PPFIA2: variants seen among roughly 807,000 people sequenced by gnomAD.
The protein encoded by PPFIA2 is liprin-alpha-2.
A neutral mutation model predicts 175.5 loss-of-function variants in PPFIA2; 46 were observed. The observed-to-expected ratio is 0.26, with a 90% CI of 0.21 to 0.34. The LOEUF is 0.34. PPFIA2 is among the 10% of genes least tolerant of loss of function. PPFIA2 has a pLI of 1.00. For missense variants in PPFIA2, 1,179 were observed against 1,506.1 expected (o/e 0.78, Z 3.60); for synonymous variants, 568 against 511.4 (o/e 1.11, Z -1.49).
intron 4 of PPFIA2, among the ~76,000 whole-genome samples, chr12:81,592,520 T>A (rs1482741113): frequency 6.6e-6 from 1 of 152,094 alleles, no homozygotes; most frequent in Non-Finnish European, 1.5e-5. Context: ...GGGGTGTGGT[T>A]GAATTATGGT....
intron 4 of PPFIA2, among the ~76,000 whole-genome samples, chr12:81,557,216 C>T (rs1040545275): frequency 2.0e-5 from 3 of 147,260 alleles, no homozygotes; most frequent in Non-Finnish European, 3.0e-5. Context: ...CACACACACA[C>T]GTATACATAT....
chr12:81,315,113 T>TCTCTAAGCTAGAATGTAAA (rs2051996772), intron 22 of PPFIA2, among the ~76,000 whole-genome samples: 1 of 151,762 alleles, frequency 6.6e-6, no homozygotes, highest in Non-Finnish European at 1.5e-5. Context: ...TCTCTCTGTC[T>TCTCTAAGCTAGAATGTAAA]CTCTAAGCTA....
intron 4 of PPFIA2, among the ~76,000 whole-genome samples, chr12:81,531,299 T>C (rs1594575818): frequency 6.6e-6 from 1 of 151,880 alleles, no homozygotes; most frequent in South Asian, 2.1e-4. Context: ...TGAATGATAA[T>C]ATCCCTGCCC....
At chr12:81,421,251 A>T (rs984763258) in intron 7 of PPFIA2, among the ~76,000 whole-genome samples, 2 of 152,114 alleles carry the variant, frequency 1.3e-5, no homozygotes, top group Admixed American at 1.3e-4. Flanking sequence ...GTTAAGGTAA[A>T]CATACAGAGA....
At chr12:81,512,297 C>T (rs895821312) in intron 4 of PPFIA2, 10 of 1,287,752 alleles carry the variant, frequency 7.8e-6, no homozygotes, top group African/African-American at 6.1e-5. Context: ...ATGTCCTGGT[C>T]GGCCTCTGGC....
intron 4 of PPFIA2, among the ~76,000 whole-genome samples, chr12:81,559,649 G>T (rs983274906): frequency 6.6e-6 from 1 of 152,064 alleles, no homozygotes; most frequent in Non-Finnish European, 1.5e-5. Flanking sequence ...TTGCTATTGT[G>T]TCAAGGATTT....
At chr12:81,301,221 A>G (rs571059439) in intron 22 of PPFIA2, among the ~76,000 whole-genome samples, 1 of 152,128 alleles carries the variant, frequency 6.6e-6, no homozygotes, top group South Asian at 2.1e-4. Flanking sequence ...GTGGAAGAAA[A>G]TTTAGGGTAG....
intron 3 of PPFIA2, among the ~76,000 whole-genome samples, chr12:81,751,534 T>TACACAC (rs10591884): frequency 3.9e-4 from 56 of 144,290 alleles, no homozygotes; most frequent in African/African-American, 1.2e-3. Context: ...TATAATATGC[T>TACACAC]ACACACACAC....
chr12:81,406,895 G>GA (rs1381134568), intron 7 of PPFIA2, among the ~76,000 whole-genome samples: 3 of 152,002 alleles, frequency 2.0e-5, no homozygotes, highest in Non-Finnish European at 4.4e-5. Flanking sequence ...ATCATTAACT[G>GA]AAAAAAACAT....
intron 4 of PPFIA2, among the ~76,000 whole-genome samples, chr12:81,664,661 G>A (rs1222512065): frequency 5.3e-5 from 8 of 152,030 alleles, no homozygotes; most frequent in Non-Finnish European, 1.2e-4. Context: ...TAGAAATACT[G>A]TTTGACCCAG....
chr12:81,364,854 C>A (rs1013712514), intron 14 of PPFIA2, among the ~76,000 whole-genome samples: 1 of 151,682 alleles, frequency 6.6e-6, no homozygotes, highest in Non-Finnish European at 1.5e-5. Context: ...GTTTTTTAGC[C>A]TGAGTAACTG....
intron 22 of PPFIA2, chr12:81,312,050 A>G (rs1261203146): frequency 2.3e-5 from 23 of 981,638 alleles, no homozygotes; most frequent in Non-Finnish European, 3.2e-5. Context: ...ATTTCAGGTC[A>G]GAGGCAGTGC....
Position 81,374,615 on chromosome 12 carries a change from AGTT to A in PPFIA2, c.1266+16_1266+18del. The A allele has an allele frequency of 1.3e-6, 2 of 1,587,312 alleles. No individual in the cohort carries two copies. The highest frequency in any genetic ancestry group is 1.1e-5 in the South Asian group (1 of 87,000). On this transcript the variant is annotated intron_variant, in intron 11 of 32. Transcript: ENST00000549396. ...TTCTACAAATATATCTAGGTTGACC[AGTT>A]GTTCTAGTGCAGTACCTTGGTTAGG...
chr12:81,277,562 G>A, intron 27 of PPFIA2, 148 bp from the exon 28 acceptor site: 1 of 835,132 alleles, frequency 1.2e-6, no homozygotes, highest in Non-Finnish European at 1.6e-6. Flanking sequence ...CTTCAGTATT[G>A]GAGGGAAATA....
chr12:81,319,794 C>T (rs747030994), intron 22 of PPFIA2, among the ~76,000 whole-genome samples: 13 of 151,868 alleles, frequency 8.6e-5, no homozygotes, highest in Non-Finnish European at 1.9e-4. Context: ...TATCTTGGCT[C>T]TATTGTTTCT....
intron 4 of PPFIA2, among the ~76,000 whole-genome samples, chr12:81,604,542 CT>C (rs1177362989): frequency 1.3e-5 from 2 of 151,508 alleles, no homozygotes; most frequent in South Asian, 2.1e-4. Context: ...TGTGAAGAAA[CT>C]TCATTCTTAG....
chr12:81,365,967 T>TC (rs2033132515), intron 14 of PPFIA2, among the ~76,000 whole-genome samples: 1 of 59,956 alleles, frequency 1.7e-5, no homozygotes, highest in Non-Finnish European at 3.1e-5. Flanking sequence ...ATACTATCCC[T>TC]CCCTCCCTCC....
chr12:81,427,011 A>C (rs2047246307), intron 7 of PPFIA2, among the ~76,000 whole-genome samples: 1 of 152,128 alleles, frequency 6.6e-6, no homozygotes, highest in African/African-American at 2.4e-5. Context: ...AGTATTTGGC[A>C]TTTTTAAAGG....
At chr12:81,338,418 T>A (rs2057467405) in intron 21 of PPFIA2, among the ~76,000 whole-genome samples, 1 of 152,112 alleles carries the variant, frequency 6.6e-6, no homozygotes. Flanking sequence ...TATGTATATA[T>A]CTGCTTATTT....
Sources: gnomAD v4.1 joint callset for allele counts (sites outside exome capture counted in the v4.1 genomes callset) on GRCh38, gnomAD v4.1.1 for gene constraint, MANE v1.5 for transcripts, NCBI Gene and HGNC (gene_info 2026-07-23, HGNC 2026-07-21) for gene names.